Variants in SRCIN1 observed in about 807,000 individuals in gnomAD.
SRCIN1 encodes P130Cas-associated protein.
SRCIN1 carries 50 observed loss-of-function variants against 116.2 expected under a neutral mutation model. The observed-to-expected ratio is 0.43, with a 90% CI of 0.34 to 0.54. The LOEUF is 0.54. SRCIN1 is among the 20% of genes least tolerant of loss of function. The probability of loss-of-function intolerance (pLI) is 0.02; values close to 1 mark genes in which losing one functional copy is unlikely to be tolerated. For synonymous variants in SRCIN1, 736 were observed against 750.0 expected, an observed-to-expected ratio of 0.98 and a Z score of 0.30; for missense variants, 1,446 against 1,672.0, an observed-to-expected ratio of 0.86 and a Z score of 2.36.
At position 38,561,647 on chromosome 17, in the gene SRCIN1, G is replaced by T; in HGVS notation, c.1516C>A (p.Arg506Ser). 1 of 1,566,232 alleles carries T rather than the reference G, an allele frequency of 6.4e-7. No individual in the cohort carries two copies. Among genetic ancestry groups the T allele is most frequent in the Non-Finnish European group, 8.7e-7 (1 of 1,155,932 alleles). Residue 506 changes from arginine (R) to serine (S), a missense_variant, in exon 7 of 19, where the codon CGC becomes AGC. Physicochemically the swap from Arg to Ser is moderately radical, Grantham distance 110. Around this residue, in one of 5 missense-constraint regions of SRCIN1, gnomAD observed 398 missense variants for 385.6 expected, o/e 1.03. Transcript: ENST00000617146. Reference protein sequence around the residue: ...SGPPSRGSPVRQSFRKDSGSS... With the variant: ...SGPPSRGSPVSQSFRKDSGSS... ...CCCGAGTCCTTGCGGAAGGACTGGCGCACTGGCGAGCCGCGGCTGGGCGGC... is the reference window on the plus strand; with the variant it reads ...CCCGAGTCCTTGCGGAAGGACTGGCTCACTGGCGAGCCGCGGCTGGGCGGC...
intron 18 of SRCIN1, among the ~76,000 whole-genome samples, chr17:38,534,074 C>T (rs754341223): frequency 4.6e-5 from 7 of 152,210 alleles, no homozygotes; most frequent in Non-Finnish European, 5.9e-5. Context: ...AAGCACTTGT[C>T]GCCCCAGTTG....
At chr17:38,566,144 T>G (rs1004046140) in intron 3 of SRCIN1, among the ~76,000 whole-genome samples, 2 of 150,898 alleles carry the variant, frequency 1.3e-5, no homozygotes, top group African/African-American at 2.4e-5. Context: ...CGATGAAGAG[T>G]AGGGGGTGGC....
intron 18 of SRCIN1, among the ~76,000 whole-genome samples, chr17:38,540,621 G>A (rs1031444563): frequency 1.1e-4 from 16 of 152,228 alleles, no homozygotes; most frequent in African/African-American, 3.4e-4. Flanking sequence ...GGAGCACACC[G>A]AGGGTGTGGG....
intron 2 of SRCIN1, among the ~76,000 whole-genome samples, chr17:38,573,733 T>A (rs2143286307): frequency 6.6e-6 from 1 of 152,352 alleles, no homozygotes; most frequent in South Asian, 2.1e-4. Context: ...CACATCGTCC[T>A]CTGTCCTATC....
Position 38,544,001 on chromosome 17 carries a change from G to C in SRCIN1, c.3271-32C>G, listed in dbSNP as rs1208327227. On this transcript the variant is annotated intron_variant, in intron 17 of 18. Coordinates refer to ENST00000617146, the MANE Select transcript of SRCIN1 (RefSeq NM_025248.3). This position sits in a 1 kb window ranked among gnomAD's most constrained non-coding sequence, Gnocchi z 4.5. ...GAAGAGGAACAGGGTTGCAGTTGCA[G>C]AGTCCACATGGGGTGAATCACACAG... is the stretch of plus-strand genomic sequence containing the variant. The C allele has an allele frequency of 6.4e-7, 1 of 1,551,702 alleles. No individual in the cohort carries two copies. Among genetic ancestry groups the C allele is most frequent in the Non-Finnish European group, 8.7e-7 (1 of 1,154,132 alleles).
chr17:38,540,020 CAAAAA>C (rs71138631), intron 18 of SRCIN1, among the ~76,000 whole-genome samples: 1 of 60,986 alleles, frequency 1.6e-5, no homozygotes, highest in Non-Finnish European at 3.4e-5. Flanking sequence ...GACTCCATCT[CAAAAA>C]AAAAAAAAAA....
At position 38,561,878 on chromosome 17, in the gene SRCIN1, G is replaced by C. The variant is rs1359471984; in HGVS notation, c.1285C>G (p.Arg429Gly). 1.2e-5 allele frequency: 17 copies of C among 1,447,856 alleles called. No individual in the cohort carries two copies. Among genetic ancestry groups the C allele is most frequent in the Non-Finnish European group, 1.5e-5 (17 of 1,115,880 alleles). 89.7% of individuals were successfully genotyped at this position (1,447,856 alleles called of 1,614,324 possible). Residue 429 changes from arginine (R) to glycine (G), a missense_variant, in exon 7 of 19, where the codon CGC (arginine) becomes GGC (glycine). Arg to Gly is a moderately radical substitution (Grantham distance 125). Coordinates refer to ENST00000617146, the MANE Select transcript of SRCIN1 (RefSeq NM_025248.3). The part of the protein sequence containing the change: ...AYPGAGGLYK[R>G]GSVRSLSTYS... ...GTGCTGAGCGAGCGCACCGAGCCGC[G>C]CTTGTAGAGGCCGCCGGCGCCCGGG... is the stretch of plus-strand genomic sequence containing the variant.
In SRCIN1 at chr17:38,563,622, G is replaced by T; in HGVS notation, c.542-101C>A. 6.8e-6 allele frequency: 10 copies of T among 1,467,852 alleles called. No homozygotes were observed. Among genetic ancestry groups the T allele is most frequent in the Non-Finnish European group, 9.2e-6 (10 of 1,084,730 alleles). The allele number at this position is 1,467,852 out of a possible 1,614,324, so 90.9% of individuals were successfully genotyped here. ...TCGGAGCTGCGCCAGCCCCGCAGCGGCAGGGTCTGAGGCTAGACGCCGCCC... is the reference window on the plus strand; with the variant it reads ...TCGGAGCTGCGCCAGCCCCGCAGCGTCAGGGTCTGAGGCTAGACGCCGCCC... On this transcript the variant is annotated intron_variant, in intron 4 of 18. Coordinates refer to ENST00000617146, the MANE Select transcript of SRCIN1 (RefSeq NM_025248.3). This position sits in a 1 kb window ranked among gnomAD's most constrained non-coding sequence, Gnocchi z 5.8.
In SRCIN1 at chr17:38,564,133, T is replaced by C; in HGVS notation, c.526A>G (p.Lys176Glu). ...CGGGCAGTACCTGGGGAGCGCAGCT[T>C]GGTCTGGCTGGCCGAGCGGGAGAGA... is the stretch of plus-strand genomic sequence containing the variant. ...LPLSRSASQTKLRSPGVLFLQ... is the reference protein window; with the variant it reads ...LPLSRSASQTELRSPGVLFLQ... The change falls in exon 4 of 19, where the codon AAG becomes GAG. Residue 176 changes from lysine (K) to glutamate (E), a missense_variant. Transcript: ENST00000617146. 1 of 1,599,734 alleles carries C rather than the reference T, an allele frequency of 6.3e-7. No homozygotes were observed. The highest frequency in any genetic ancestry group is 1.1e-5 in the South Asian group (1 of 88,130).
intron 2 of SRCIN1, among the ~76,000 whole-genome samples, chr17:38,576,635 C>A (rs1490313974): frequency 6.6e-6 from 1 of 152,072 alleles, no homozygotes; most frequent in Non-Finnish European, 1.5e-5. Context: ...CCCAAGAATG[C>A]CCTACCCACT....
chr17:38,540,268 G>T (rs568275751), intron 18 of SRCIN1, among the ~76,000 whole-genome samples: 81 of 152,228 alleles, frequency 5.3e-4, no homozygotes, highest in South Asian at 3.5e-3. Flanking sequence ...CTGCTGCAAG[G>T]CACCTCCATC....
intron 2 of SRCIN1, among the ~76,000 whole-genome samples, chr17:38,577,340 T>C (rs1907482401): frequency 6.6e-6 from 1 of 152,050 alleles, no homozygotes; most frequent in African/African-American, 2.4e-5. Flanking sequence ...TCTTCAACTC[T>C]CTCTAATCCT....
chr17:38,560,036 AG>A lies in SRCIN1; in HGVS notation c.1837+17del, dbSNP rs1906125480. 2.0e-6 allele frequency: 3 copies of A among 1,524,454 alleles called. No homozygotes were observed. The highest frequency in any genetic ancestry group is 2.7e-6 in the Non-Finnish European group (3 of 1,120,902). The allele number at this position is 1,524,454 out of a possible 1,614,324, so 94.4% of individuals were successfully genotyped here. ...GGCTCGGAGAGAACAAGGATGGGGG[AG>A]GGGGAGGTTCACTCACGTGCTGAGG... On this transcript the variant is annotated intron_variant, in intron 9 of 18. Coordinates refer to ENST00000617146, the MANE Select transcript of SRCIN1 (RefSeq NM_025248.3).
chr17:38,543,672 G>A, intron 18 of SRCIN1, 151 bp downstream of exon 18: 4 of 1,142,718 alleles, frequency 3.5e-6, no homozygotes, highest in Non-Finnish European at 4.8e-6. Flanking sequence ...ACGGTTCAGG[G>A]GGTGGGTGGG....
In SRCIN1 at chr17:38,544,253, G is replaced by A. The variant is rs944494698; in HGVS notation, c.3271-284C>T. On this transcript the variant is annotated intron_variant, in intron 17 of 18. Coordinates refer to ENST00000617146, the MANE Select transcript of SRCIN1 (RefSeq NM_025248.3). This position sits in a 1 kb window ranked among gnomAD's most constrained non-coding sequence, Gnocchi z 4.5. ...TTCCTTGAGTAGCTCAGGGGCAGCT[G>A]ATGCCCTCCTTGGGGAGCCTCTGCT... Among the ~76,000 whole-genome samples the A allele has an allele frequency of 1.3e-5, 2 of 152,132 alleles. No homozygotes were observed. The highest frequency in any genetic ancestry group is 1.3e-4 in the Admixed American group (2 of 15,288).
In SRCIN1 at chr17:38,564,320, G is replaced by C; in HGVS notation, c.346-7C>G. On this transcript the variant is annotated splice_region_variant and splice_polypyrimidine_tract_variant and intron_variant, in intron 3 of 18. Coordinates refer to ENST00000617146, the MANE Select transcript of SRCIN1 (RefSeq NM_025248.3). ...TGTGGCGTGAGCTGCGGGTCTGCAG[G>C]GGCCGGGCAGGGTGAGAGGAACCAA... 1 of 1,539,190 alleles carries C rather than the reference G, an allele frequency of 6.5e-7. No individual in the cohort carries two copies. Among genetic ancestry groups the C allele is most frequent in the Non-Finnish European group, 8.7e-7 (1 of 1,146,646 alleles).
At chr17:38,590,853 A>G (rs1453206581) in intron 1 of SRCIN1, among the ~76,000 whole-genome samples, 1 of 152,200 alleles carries the variant, frequency 6.6e-6, no homozygotes, top group Non-Finnish European at 1.5e-5. Flanking sequence ...ATTAGGCCAG[A>G]GCCCCACAGG....
chr17:38,534,143 C>G (rs371775069), intron 18 of SRCIN1, among the ~76,000 whole-genome samples: 1 of 152,204 alleles, frequency 6.6e-6, no homozygotes, highest in African/African-American at 2.4e-5. Context: ...TTCTAGTGGT[C>G]AGAACTGACC....
At position 38,568,274 on chromosome 17, in the gene SRCIN1, A is replaced by G; in HGVS notation, c.325-43T>C. Reference sequence around the variant, plus strand: ...AGAAGAGATGGTTATGAGGGGGCCCAGGAGGGGAAAAGAGGGGCAGGGGCA... The same window carrying G: ...AGAAGAGATGGTTATGAGGGGGCCCGGGAGGGGAAAAGAGGGGCAGGGGCA... On this transcript the variant is annotated intron_variant, in intron 2 of 18. Transcript: ENST00000617146. The surrounding 1 kb of genome is among the most constrained non-coding windows in gnomAD (Gnocchi z 4.5). 1 of 1,606,678 alleles carries G rather than the reference A, an allele frequency of 6.2e-7. No homozygotes were observed. Among genetic ancestry groups the G allele is most frequent in the South Asian group, 1.1e-5 (1 of 89,572 alleles).
Sources: allele counts gnomAD v4.1 joint callset (sites outside exome capture counted in the v4.1 genomes callset), GRCh38; gene constraint gnomAD v4.1.1; regional missense constraint gnomAD v4.1.1; non-coding constraint Gnocchi (gnomAD v3.1); transcripts MANE v1.5; gene names NCBI Gene and HGNC (gene_info 2026-07-23, HGNC 2026-07-21).